Variants in SAMMSON observed in about 807,000 individuals in gnomAD.
The protein encoded by SAMMSON is long intergenic non-protein coding RNA 1212.
intron 3 of SAMMSON, among the ~76,000 whole-genome samples, chr3:70,042,187 A>G (rs950754789): frequency 2.6e-5 from 4 of 152,068 alleles, no homozygotes; most frequent in African/African-American, 7.2e-5. Flanking sequence ...ATGAGTATCT[A>G]TGTTTTTGAA....
intron 4 of SAMMSON, among the ~76,000 whole-genome samples, chr3:70,211,891 C>T (rs576333007): frequency 2.9e-4 from 43 of 145,922 alleles, no homozygotes; most frequent in Non-Finnish European, 5.5e-4. Context: ...CTTCCCTTCC[C>T]TTTGTCCTTT....
At chr3:70,022,166 T>C (rs759727834) in intron 3 of SAMMSON, among the ~76,000 whole-genome samples, 71 of 151,522 alleles carry the variant, frequency 4.7e-4, no homozygotes, top group Admixed American at 9.9e-4. Context: ...TATACAGGGA[T>C]TTCTACAAAC....
chr3:70,274,502 G>T lies in SAMMSON; in HGVS notation n.675-16677G>T, dbSNP rs1702003484. 1.3e-5 allele frequency among the ~76,000 whole-genome samples: 2 copies of T among 152,110 alleles called. 1 individual carries two copies. Among genetic ancestry groups the T allele is most frequent in the South Asian group, 4.1e-4 (2 of 4,824 alleles). ...AATAATTAATGTTAAGTTGACTGAA[G>T]AACTTAGTAAGAAACTTCCAAATTG... On this transcript the variant is annotated intron_variant and non_coding_transcript_variant, in intron 6 of 9. Transcript: ENST00000642114.
chr3:70,217,715 G>A (rs1380138903), intron 4 of SAMMSON, among the ~76,000 whole-genome samples: 1 of 152,076 alleles, frequency 6.6e-6, no homozygotes, highest in Non-Finnish European at 1.5e-5. Context: ...ATCGAATTGG[G>A]CAGTTAAGGA....
intron 4 of SAMMSON, among the ~76,000 whole-genome samples, chr3:70,141,430 T>C (rs967421373): frequency 4.6e-5 from 7 of 152,170 alleles, no homozygotes; most frequent in Admixed American, 2.0e-4. Context: ...TGTGTTCTAT[T>C]TGGGCCCTCA....
At chr3:70,321,034 G>A (rs1036642610) in intron 7 of SAMMSON, among the ~76,000 whole-genome samples, 2 of 151,988 alleles carry the variant, frequency 1.3e-5, no homozygotes, top group African/African-American at 2.4e-5. Flanking sequence ...ACCCAGTAAA[G>A]GCTTAGCAAT....
At chr3:70,060,229 A>G (rs1044407819) in intron 3 of SAMMSON, among the ~76,000 whole-genome samples, 5 of 152,094 alleles carry the variant, frequency 3.3e-5, no homozygotes, top group African/African-American at 9.7e-5. Flanking sequence ...GGACGTGGCT[A>G]TGACAAGGAC....
chr3:70,255,101 C>T (rs976831811), intron 6 of SAMMSON, among the ~76,000 whole-genome samples: 2 of 152,106 alleles, frequency 1.3e-5, no homozygotes, highest in Admixed American at 1.3e-4. Flanking sequence ...ATTGAAAGTT[C>T]AACTAATGAA....
intron 6 of SAMMSON, among the ~76,000 whole-genome samples, chr3:70,255,858 A>G (rs1188014802): frequency 2.0e-5 from 3 of 152,162 alleles, no homozygotes; most frequent in African/African-American, 7.2e-5. Context: ...AACTTTAGAA[A>G]ATGCTTTAAC....
At chr3:70,157,619 G>T (rs2067596986) in intron 4 of SAMMSON, among the ~76,000 whole-genome samples, 3 of 151,984 alleles carry the variant, frequency 2.0e-5, no homozygotes, top group Admixed American at 2.0e-4. Context: ...ATGTCTAGGG[G>T]TAATCGTTTA....
intron 9 of SAMMSON, among the ~76,000 whole-genome samples, chr3:70,368,312 G>T (rs1043272700): frequency 6.6e-5 from 10 of 151,460 alleles, no homozygotes; most frequent in Middle Eastern, 3.4e-3. Flanking sequence ...AACATTTAAT[G>T]TTAAACCAAA....
chr3:70,092,532 A>G (rs1220837970), intron 4 of SAMMSON, among the ~76,000 whole-genome samples: 2 of 150,738 alleles, frequency 1.3e-5, no homozygotes, highest in South Asian at 2.1e-4. Context: ...TACATCATCT[A>G]TCATTTTATT....
chr3:70,235,807 A>T (rs749790791), intron 4 of SAMMSON, among the ~76,000 whole-genome samples: 5 of 152,200 alleles, frequency 3.3e-5, no homozygotes, highest in Admixed American at 6.5e-5. Context: ...ATCTATAGAA[A>T]AGAAATAATT....
intron 6 of SAMMSON, among the ~76,000 whole-genome samples, chr3:70,251,652 T>C (rs1295451274): frequency 1.3e-5 from 2 of 152,164 alleles, no homozygotes; most frequent in East Asian, 3.9e-4. Flanking sequence ...TGCTTTTGCA[T>C]TGAGAATATT....
At chr3:70,418,118 A>G (rs754984663) in intron 2 of SAMMSON, among the ~76,000 whole-genome samples, 2 of 152,320 alleles carry the variant, frequency 1.3e-5, no homozygotes, top group African/African-American at 4.8e-5. Context: ...GTCTTTGATC[A>G]TGCTGACTAG....
intron 4 of SAMMSON, among the ~76,000 whole-genome samples, chr3:70,176,831 A>G (rs1701013257): frequency 6.6e-6 from 1 of 152,138 alleles, no homozygotes; most frequent in African/African-American, 2.4e-5. Context: ...TTTTTTTCTG[A>G]AACTAAGTTA....
At chr3:70,422,215 T>C (rs565640366) in intron 2 of SAMMSON, among the ~76,000 whole-genome samples, 1 of 151,804 alleles carries the variant, frequency 6.6e-6, no homozygotes, top group Non-Finnish European at 1.5e-5. Context: ...ATGAAAAAAA[T>C]TGTTATTCTT....
At chr3:70,065,285 ATAAT>A (rs1306145253) in intron 3 of SAMMSON, 33 of 152,102 alleles carry the variant, frequency 2.2e-4, no homozygotes, top group African/African-American at 7.7e-4. Flanking sequence ...ATACGGGGAG[ATAAT>A]TAACATAGCA....
At chr3:70,127,337 A>G (rs1383719323) in intron 4 of SAMMSON, 1 of 152,188 alleles carries the variant, frequency 6.6e-6, no homozygotes, top group African/African-American at 2.4e-5. Flanking sequence ...TACAATACCC[A>G]GCAAACAGCA....
Sources: gnomAD v4.1 joint callset for allele counts (sites outside exome capture counted in the v4.1 genomes callset) on GRCh38, gnomAD v4.1.1 for gene constraint, MANE v1.5 for transcripts, NCBI Gene and HGNC (gene_info 2026-07-23, HGNC 2026-07-21) for gene names.